Variants in PAPPA2 observed in about 807,000 individuals in gnomAD.
The protein encoded by PAPPA2 is pappalysin-2.
PAPPA2 carries 86 observed loss-of-function variants against 176.4 expected under a neutral mutation model. The observed-to-expected ratio is 0.49, with a 90% CI of 0.41 to 0.58. The LOEUF (loss-of-function observed/expected upper bound fraction) is 0.58, where lower values mean the gene tolerates loss of function less well. Among genes scored for constraint, PAPPA2 ranks in the 20% least tolerant of loss-of-function variants. PAPPA2 has a pLI of 0.00. For missense variants in PAPPA2, 2,073 were observed against 2,256.9 expected (o/e 0.92, Z 1.65); for synonymous variants, 809 against 852.2 (o/e 0.95, Z 0.88).
At position 176,711,847 on chromosome 1, in the gene PAPPA2, T is replaced by C; in HGVS notation, c.3664T>C (p.Tyr1222His). Residue 1222 changes from tyrosine to histidine, a missense_variant, in exon 12 of 23, where the codon TAC becomes CAC. Tyr to His is a moderately conservative substitution (Grantham distance 83). Coordinates refer to ENST00000367662, the MANE Select transcript of PAPPA2 (RefSeq NM_020318.3). ...GEPHSLICTSYHPDLPNHRPL... is the reference protein window; with the variant it reads ...GEPHSLICTSHHPDLPNHRPL... ...AATTGTATTTCAGATTTGCACATCA[T>C]ACCATCCAGATTTACCCAACCACCG... 1 of 1,608,782 alleles carries C rather than the reference T, an allele frequency of 6.2e-7. No homozygotes were observed. Among genetic ancestry groups the C allele is most frequent in the Non-Finnish European group, 8.5e-7 (1 of 1,175,368 alleles).
At chr1:176,670,869 G>A in intron 3 of PAPPA2, 101 bp from the exon 4 acceptor site, 1 of 1,463,380 alleles carries the variant, frequency 6.8e-7, no homozygotes, top group South Asian at 1.3e-5. Context: ...AAAAGGTAAT[G>A]CTGGCTGGGA....
In PAPPA2 at chr1:176,642,950, CTG is replaced by C. The variant is rs886730981; in HGVS notation, c.1992-28016_1992-28015del. On this transcript the variant is annotated intron_variant, in intron 3 of 22. Transcript: ENST00000367662. ...ATTCAGTCACAAAATAGTTAAGAGA[CTG>C]TGTTCACCTATTGGTCTGAAAATGC... Among the ~76,000 whole-genome samples, 140 of 151,994 alleles carry C rather than the reference CTG, an allele frequency of 9.2e-4. 1 individual carries two copies. Among genetic ancestry groups the C allele is most frequent in the African/African-American group, 2.8e-3 (118 of 41,508 alleles).
intron 1 of PAPPA2, among the ~76,000 whole-genome samples, chr1:176,521,062 T>C (rs1649188923): frequency 6.7e-6 from 1 of 148,324 alleles, no homozygotes; most frequent in Admixed American, 6.7e-5. Context: ...TAAGAAAGCA[T>C]AACACTGGAG....
intron 1 of PAPPA2, among the ~76,000 whole-genome samples, chr1:176,464,657 T>C (rs1651530722): frequency 6.6e-6 from 1 of 152,220 alleles, no homozygotes; most frequent in Admixed American, 6.5e-5. Context: ...AGCTCTTTGC[T>C]TAGGAAATAC....
chr1:176,791,304 G>A lies in PAPPA2; in HGVS notation c.4885-43G>A, dbSNP rs748480220. On this transcript the variant is annotated intron_variant, in intron 18 of 22. Coordinates refer to ENST00000367662, the MANE Select transcript of PAPPA2 (RefSeq NM_020318.3). ...ACCACTTTTTTCAACTCTCAATAAA[G>A]TTAACAAAACAATAATTAAGATGTT... The A allele has an allele frequency of 4.1e-6, 6 of 1,449,328 alleles. No homozygotes were observed. In the African/African-American group the frequency reaches 9.2e-5, roughly 22 times the overall value. The allele number at this position is 1,449,328 out of a possible 1,614,324, so 89.8% of individuals were successfully genotyped here.
chr1:176,556,497 C>G lies in PAPPA2; in HGVS notation c.175C>G (p.Pro59Ala), dbSNP rs774062927. The G allele has an allele frequency of 1.9e-6, 3 of 1,614,158 alleles. No individual in the cohort carries two copies. The highest frequency in any genetic ancestry group is 2.5e-6 in the Non-Finnish European group (3 of 1,180,028). Residue 59 changes from proline (P) to alanine (A), a missense_variant, in exon 2 of 23, where the codon CCC (proline) becomes GCC (alanine). Physicochemically the swap from Pro to Ala is conservative, Grantham distance 27 (BLOSUM62 -1). This residue lies in a region of PAPPA2 where 1,196 missense variants were observed against 1,330.4 expected (regional missense o/e 0.90). Coordinates refer to ENST00000367662, the MANE Select transcript of PAPPA2 (RefSeq NM_020318.3). The stretch of plus-strand genomic sequence containing the variant: ...TTGGCTGGGGGCCAAGGTTCGAAGA[C>G]CCAGAGCTTCTCCACAGCATCACCT... ...RCWLGAKVRR[P>A]RASPQHHLFG...
At chr1:176,682,838 G>C (rs1659650595) in intron 4 of PAPPA2, among the ~76,000 whole-genome samples, 1 of 152,068 alleles carries the variant, frequency 6.6e-6, no homozygotes, top group South Asian at 2.1e-4. Context: ...ATTGTGGACA[G>C]CATGTTTTGA....
At chr1:176,563,739 C>T (rs1043297301) in intron 2 of PAPPA2, among the ~76,000 whole-genome samples, 19 of 152,296 alleles carry the variant, frequency 1.2e-4, no homozygotes, top group African/African-American at 4.1e-4. Context: ...GCAGCAGGTG[C>T]AATGTAAGTA....
At chr1:176,515,966 G>A (rs948443049) in intron 1 of PAPPA2, among the ~76,000 whole-genome samples, 1 of 152,124 alleles carries the variant, frequency 6.6e-6, no homozygotes, top group Non-Finnish European at 1.5e-5. Flanking sequence ...GGTATTACTA[G>A]CCCATTTTAT....
At chr1:176,835,690 T>C (rs1667245656) in intron 21 of PAPPA2, among the ~76,000 whole-genome samples, 1 of 152,168 alleles carries the variant, frequency 6.6e-6, no homozygotes, top group South Asian at 2.1e-4. Flanking sequence ...CGGCTAGTTT[T>C]GTATTTTTAG....
chr1:176,583,729 G>A (rs556110285), intron 2 of PAPPA2, among the ~76,000 whole-genome samples: 46 of 152,262 alleles, frequency 3.0e-4, no homozygotes, highest in Non-Finnish European at 4.9e-4. Flanking sequence ...TTACAGGCAT[G>A]AGCCACTGTG....
At chr1:176,778,546 T>C (rs952389462) in intron 17 of PAPPA2, among the ~76,000 whole-genome samples, 2 of 152,174 alleles carry the variant, frequency 1.3e-5, no homozygotes, top group African/African-American at 4.8e-5. Flanking sequence ...AAACTGAAAA[T>C]GTGCAGCTAA....
intron 21 of PAPPA2, among the ~76,000 whole-genome samples, chr1:176,815,292 T>C (rs928536415): frequency 6.6e-6 from 1 of 152,070 alleles, no homozygotes; most frequent in Non-Finnish European, 1.5e-5. Flanking sequence ...GCTCCACCCT[T>C]ATATTTATTT....
intron 3 of PAPPA2, among the ~76,000 whole-genome samples, chr1:176,650,829 A>G (rs1315403523): frequency 1.3e-5 from 2 of 151,400 alleles, no homozygotes; most frequent in Admixed American, 1.3e-4. Context: ...TCTCTGGTAG[A>G]TTGTTTTAAT....
intron 4 of PAPPA2, among the ~76,000 whole-genome samples, chr1:176,682,683 GTTA>G (rs753323618): frequency 3.0e-4 from 45 of 152,136 alleles, no homozygotes; most frequent in Non-Finnish European, 4.4e-4. Flanking sequence ...TCTAGCTCCA[GTTA>G]TTATTATTAT....
At chr1:176,578,154 C>G (rs1167855064) in intron 2 of PAPPA2, among the ~76,000 whole-genome samples, 1 of 152,186 alleles carries the variant, frequency 6.6e-6, no homozygotes, top group African/African-American at 2.4e-5. Flanking sequence ...GTTAAATGAT[C>G]TCCTCTGTGA....
At position 176,829,267 on chromosome 1, in the gene PAPPA2, GGAGAGAATGA is replaced by G. The variant is rs1666979141; in HGVS notation, c.5203-10896_5203-10887del. Among the ~76,000 whole-genome samples, 3 of 151,614 alleles carry G rather than the reference GGAGAGAATGA, an allele frequency of 2.0e-5. No homozygotes were observed. The South Asian group carries it at 6.2e-4, about 32-fold the overall frequency. Reference sequence around the variant, plus strand: ...AGGGAAGGATGGAAGGGGGAAGGAGGGAGAGAATGAGAGAGAATGGGGAAAAAAAAAAAGA... The same window carrying G: ...AGGGAAGGATGGAAGGGGGAAGGAGGGAGAGAATGGGGAAAAAAAAAAAGA... On this transcript the variant is annotated intron_variant, in intron 21 of 22. Coordinates refer to ENST00000367662, the MANE Select transcript of PAPPA2 (RefSeq NM_020318.3).
chr1:176,746,500 G>A lies in PAPPA2; in HGVS notation c.4151+6304G>A, dbSNP rs150391753. ...TGGCTCACTGAAAGCTCTGCCTCCC[G>A]GGTTCACACCATTCTCCTGCCTCAG... On this transcript the variant is annotated intron_variant, in intron 14 of 22. Transcript: ENST00000367662. Among the ~76,000 whole-genome samples, 1,060 of 151,998 alleles carry A rather than the reference G, an allele frequency of 7.0e-3. 7 individuals carry two copies. Among genetic ancestry groups the A allele is most frequent in the African/African-American group, 0.024 (1,013 of 41,430 alleles).
rs190006037 is a variant in PAPPA2 at position 176,830,220 on chromosome 1, A to T, written c.5203-9953A>T. 2.6e-5 allele frequency among the ~76,000 whole-genome samples: 4 copies of T among 152,314 alleles called. No individual in the cohort carries two copies. The East Asian group carries it at 7.7e-4, about 29-fold the overall frequency. ...CCCATCTCTTAAAAAATAAATTTTT[A>T]AAAACAGACAAACAAATAGATGACA... On this transcript the variant is annotated intron_variant, in intron 21 of 22. Coordinates refer to ENST00000367662, the MANE Select transcript of PAPPA2 (RefSeq NM_020318.3).
Sources: allele counts gnomAD v4.1 joint callset (sites outside exome capture counted in the v4.1 genomes callset), GRCh38; gene constraint gnomAD v4.1.1; regional missense constraint gnomAD v4.1.1; transcripts MANE v1.5; gene names NCBI Gene and HGNC (gene_info 2026-07-23, HGNC 2026-07-21).